SIM1: variants seen among roughly 807,000 people sequenced by gnomAD.
SIM1 encodes SIM bHLH transcription factor 1.
A neutral mutation model predicts 78.2 loss-of-function variants in SIM1; 18 were observed. That is an observed-to-expected ratio of 0.23 (90% confidence interval 0.16 to 0.34). SIM1 has a LOEUF of 0.34. SIM1 is among the 10% of genes least tolerant of loss of function. SIM1 has a pLI of 1.00. For synonymous variants in SIM1, 417 were observed against 385.2 expected (o/e 1.08, Z -0.97); for missense variants, 939 against 975.1 (o/e 0.96, Z 0.49).
chr6:100,415,559 A>C (rs1255351153), intron 10 of SIM1, among the ~76,000 whole-genome samples: 2 of 152,178 alleles, frequency 1.3e-5, no homozygotes, highest in East Asian at 3.8e-4. Context: ...CCCAAGTAAT[A>C]CCTTTGTAAC....
intron 4 of SIM1, 145 bp from the exon 5 acceptor site, chr6:100,449,844 T>A (rs1772464865): frequency 1.5e-6 from 1 of 649,284 alleles, no homozygotes; most frequent in Non-Finnish European, 2.8e-6. Flanking sequence ...CAGCTCTGCT[T>A]CTTGCTACCT....
At chr6:100,416,389 A>G (rs545297320) in intron 10 of SIM1, among the ~76,000 whole-genome samples, 1 of 152,346 alleles carries the variant, frequency 6.6e-6, no homozygotes, top group South Asian at 2.1e-4. Context: ...CCTAATACAT[A>G]TTAGAGCAAA....
intron 2 of SIM1, 97 bp from the exon 3 acceptor site, chr6:100,453,941 C>G (rs1772581630): frequency 2.5e-6 from 2 of 807,536 alleles, no homozygotes; most frequent in Non-Finnish European, 3.9e-6. Context: ...GTGCCGGCCC[C>G]TTTGACTGGA....
intron 9 of SIM1, among the ~76,000 whole-genome samples, chr6:100,429,447 TAAG>T (rs1438762412): frequency 3.3e-5 from 5 of 151,674 alleles, no homozygotes; most frequent in Non-Finnish European, 5.9e-5. Context: ...AATAATCAAA[TAAG>T]AAGAACCAAC....
chr6:100,452,481 G>A (rs1772536564), intron 3 of SIM1, among the ~76,000 whole-genome samples: 1 of 152,196 alleles, frequency 6.6e-6, no homozygotes. Flanking sequence ...AAAATGTGGT[G>A]AAGCCAGTGA....
chr6:100,437,910 G>A (rs1026984382), intron 9 of SIM1, among the ~76,000 whole-genome samples: 1 of 152,108 alleles, frequency 6.6e-6, no homozygotes, highest in Non-Finnish European at 1.5e-5. Flanking sequence ...TTCCAGTCCT[G>A]ATGAAACATG....
chr6:100,407,940 T>C (rs1771092039), intron 10 of SIM1, among the ~76,000 whole-genome samples: 1 of 152,150 alleles, frequency 6.6e-6, no homozygotes, highest in African/African-American at 2.4e-5. Context: ...AGGCTGCATT[T>C]TCATTATATT....
chr6:100,449,156 C>A (rs1772445116), intron 6 of SIM1, among the ~76,000 whole-genome samples: 1 of 152,158 alleles, frequency 6.6e-6, no homozygotes, highest in South Asian at 2.1e-4. Context: ...GTATTGGGAC[C>A]CAGTCAGACT....
intron 3 of SIM1, among the ~76,000 whole-genome samples, chr6:100,452,621 T>G (rs1177221472): frequency 2.6e-5 from 4 of 152,166 alleles, no homozygotes; most frequent in African/African-American, 9.7e-5. Flanking sequence ...GGAAATAAAT[T>G]GGCAAGAGCT....
intron 10 of SIM1, among the ~76,000 whole-genome samples, chr6:100,406,411 T>G (rs1331541776): frequency 6.6e-6 from 1 of 152,188 alleles, no homozygotes; most frequent in Admixed American, 6.5e-5. Flanking sequence ...GGACAAAGCA[T>G]GGACTGCCCA....
At position 100,387,138 on chromosome 6, in the gene SIM1, T is replaced by C. The variant is rs1362939029; in HGVS notation, c.*3223A>G. ...CAGAATTCTACAAAACCATGAGCTA[T>C]GTATCATCTAATGAATTGATACATA... On this transcript the variant is annotated 3_prime_UTR_variant, in exon 12 of 12. Coordinates refer to ENST00000369208, the MANE Select transcript of SIM1 (RefSeq NM_005068.3). 1.3e-5 allele frequency: 2 copies of C among 152,112 alleles called. No homozygotes were observed. Among genetic ancestry groups the C allele is most frequent in the East Asian group, 3.8e-4 (2 of 5,202 alleles). 9.4% of individuals were successfully genotyped at this position (152,112 alleles called of 1,614,324 possible).
At chr6:100,445,074 A>G (rs992159784) in intron 9 of SIM1, among the ~76,000 whole-genome samples, 2 of 152,214 alleles carry the variant, frequency 1.3e-5, no homozygotes, top group African/African-American at 4.8e-5. Flanking sequence ...GTTCACTACA[A>G]CCATGGAGAA....
chr6:100,434,626 G>C (rs1481410723), intron 9 of SIM1, among the ~76,000 whole-genome samples: 2 of 152,160 alleles, frequency 1.3e-5, no homozygotes, highest in African/African-American at 2.4e-5. Context: ...CTTTGTTAAC[G>C]GTTTTCAGTA....
chr6:100,407,633 G>A (rs1771083327), intron 10 of SIM1, among the ~76,000 whole-genome samples: 1 of 151,862 alleles, frequency 6.6e-6, no homozygotes, highest in South Asian at 2.1e-4. Flanking sequence ...TTAAATAATA[G>A]CCATTCTAAC....
Position 100,391,988 on chromosome 6 carries a change from C to A in SIM1, c.1571-897G>T, listed in dbSNP as rs12213473. Among the ~76,000 whole-genome samples the A allele has an allele frequency of 3.5e-3, 535 of 152,258 alleles. 3 individuals carry two copies. Among genetic ancestry groups the A allele is most frequent in the Non-Finnish European group, 6.3e-3 (431 of 68,024 alleles). On this transcript the variant is annotated intron_variant, in intron 11 of 11. Coordinates refer to ENST00000369208, the MANE Select transcript of SIM1 (RefSeq NM_005068.3). Reference sequence around the variant, plus strand: ...AGGAGTTCAGTACCAGCCTGGCCAACATTGTGAAGCCCCGTCTCTACTAAA... The same window carrying A: ...AGGAGTTCAGTACCAGCCTGGCCAAAATTGTGAAGCCCCGTCTCTACTAAA...
At chr6:100,463,214 G>A in intron 2 of SIM1, 80 bp downstream of exon 2, 8 of 1,271,376 alleles carry the variant, frequency 6.3e-6, no homozygotes, top group Non-Finnish European at 8.9e-6. Context: ...GCATTTCTCT[G>A]GTCACTGATG....
At position 100,447,374 on chromosome 6, in the gene SIM1, G is replaced by C; in HGVS notation, c.892C>G (p.Leu298Val). 6.2e-7 allele frequency: 1 copy of C among 1,614,264 alleles called. No homozygotes were observed. Among genetic ancestry groups the C allele is most frequent in the Non-Finnish European group, 8.5e-7 (1 of 1,180,056 alleles). ...GQVTTKYYRF[L>V]AKHGGWVWVQ... ...CATACCCAGCCGCCGTGTTTCGCCA[G>C]GAACCTGTAGTACTTGGTGGTCACC... Residue 298 changes from leucine to valine, a missense_variant, in exon 9 of 12, where the codon CTG (leucine) becomes GTG (valine). Leu to Val is a conservative substitution (Grantham distance 32). This residue lies in a region of SIM1 where 66 missense variants were observed against 108.4 expected (regional missense o/e 0.61). Transcript: ENST00000369208.
intron 10 of SIM1, chr6:100,396,173 G>T: frequency 1.7e-6 from 1 of 593,022 alleles, no homozygotes; most frequent in Non-Finnish European, 2.1e-6. Flanking sequence ...ACCTTACTGA[G>T]TGGGGATCCA....
At chr6:100,421,474 C>T (rs562395693) in intron 9 of SIM1, among the ~76,000 whole-genome samples, 3 of 152,280 alleles carry the variant, frequency 2.0e-5, no homozygotes, top group Non-Finnish European at 2.9e-5. Context: ...ATTTTACCAC[C>T]GTTCTTTCCA....
Sources: allele counts gnomAD v4.1 joint callset (sites outside exome capture counted in the v4.1 genomes callset), GRCh38; gene constraint gnomAD v4.1.1; regional missense constraint gnomAD v4.1.1; transcripts MANE v1.5; gene names NCBI Gene and HGNC (gene_info 2026-07-23, HGNC 2026-07-21).